FANK1: variants seen among roughly 807,000 people sequenced by gnomAD.
The protein encoded by FANK1 is fibronectin type III and ankyrin repeat domains 1.
Under a neutral mutation model 45.3 loss-of-function variants are expected in FANK1, and 44 were observed. The observed-to-expected ratio is 0.97, with a 90% CI of 0.76 to 1.25. The LOEUF (loss-of-function observed/expected upper bound fraction) is 1.25, where lower values mean the gene tolerates loss of function less well. Among genes scored for constraint, FANK1 ranks in the 50% most tolerant of loss-of-function variants. The pLI is 0.00. For missense variants in FANK1, 391 were observed against 424.4 expected, an observed-to-expected ratio of 0.92 and a Z score of 0.69; for synonymous variants, 149 against 152.5, an observed-to-expected ratio of 0.98 and a Z score of 0.17.
At chr10:125,953,840 A>G (rs183158202) in intron 1 of FANK1, among the ~76,000 whole-genome samples, 2 of 152,128 alleles carry the variant, frequency 1.3e-5, no homozygotes, top group South Asian at 4.2e-4. Flanking sequence ...TGCCTGTAAC[A>G]TGGGCCATGA....
chr10:125,982,537 C>T (rs749810306), intron 2 of FANK1, among the ~76,000 whole-genome samples: 5 of 152,228 alleles, frequency 3.3e-5, no homozygotes, highest in Non-Finnish European at 7.3e-5. Flanking sequence ...TAATCTTGAC[C>T]TCTTTTGCTT....
chr10:125,945,642 A>T (rs1048589145), intron 1 of FANK1, among the ~76,000 whole-genome samples: 2 of 152,136 alleles, frequency 1.3e-5, no homozygotes. Flanking sequence ...GCAGTCTGAG[A>T]TCAAACTGCA....
chr10:125,983,461 G>A lies in FANK1; in HGVS notation c.191+3123G>A, dbSNP rs1951352324. Among the ~76,000 whole-genome samples the A allele has an allele frequency of 6.6e-6, 1 of 152,188 alleles. No individual in the cohort carries two copies. Among genetic ancestry groups the A allele is most frequent in the Admixed American group, 6.5e-5 (1 of 15,278 alleles). ...AAATAAGATACATAAGTAAAAATAG[G>A]TAGTCAGCAGGCAATACATACTGAG... On this transcript the variant is annotated intron_variant, in intron 2 of 10. Transcript: ENST00000368693. This position sits in a 1 kb window ranked among gnomAD's most constrained non-coding sequence, Gnocchi z 4.3.
chr10:125,907,661 C>T (rs796328190), intron 1 of FANK1, among the ~76,000 whole-genome samples: 1 of 151,704 alleles, frequency 6.6e-6, no homozygotes, highest in South Asian at 2.1e-4. Context: ...AGGAGAGAGA[C>T]ATACATTAGG....
chr10:125,982,103 T>G (rs1358264890), intron 2 of FANK1, among the ~76,000 whole-genome samples: 11 of 152,228 alleles, frequency 7.2e-5, no homozygotes. Context: ...AGGTATGCTT[T>G]TTCTATCTAA....
intron 3 of FANK1, among the ~76,000 whole-genome samples, chr10:125,992,262 C>T (rs923303734): frequency 6.9e-4 from 105 of 152,292 alleles, no homozygotes; most frequent in Admixed American, 5.4e-3. Context: ...GCACTGCAAA[C>T]AAGGGCCTTT....
In FANK1 at chr10:126,004,896, G is replaced by A; in HGVS notation, c.552G>A (p.Ala184=). The A allele has an allele frequency of 4.3e-6, 7 of 1,614,150 alleles. No homozygotes were observed. The highest frequency in any genetic ancestry group is 5.9e-6 in the Non-Finnish European group (7 of 1,180,020). ...NGSGKDSLML[A]CYAGHLDVVK... is the part of the protein sequence containing the mutation. ...CCATATGTTGCAGTCTAATGCTGGC[G>A]TGCTATGCGGGACACCTAGATGTTG... is the stretch of plus-strand genomic sequence containing the variant. Residue 184 remains alanine (A), a synonymous_variant, in exon 7 of 11, where the codon GCG becomes GCA. Coordinates refer to ENST00000368693, the MANE Select transcript of FANK1 (RefSeq NM_145235.5).
At position 125,968,092 on chromosome 10, in the gene FANK1, T is replaced by C. The variant is rs1413347126; in HGVS notation, c.14-12069T>C. 2.0e-5 allele frequency among the ~76,000 whole-genome samples: 3 copies of C among 151,772 alleles called. No individual in the cohort carries two copies. The East Asian group carries it at 5.8e-4, about 29-fold the overall frequency. ...ATTTTAATTTCTTCTTTTTTTTTTT[T>C]CTTTCTGAGACAGGGTCTTGCTCTT... On this transcript the variant is annotated intron_variant, in intron 1 of 10. Transcript: ENST00000368693.
At chr10:125,937,096 A>G (rs1311606259) in intron 1 of FANK1, among the ~76,000 whole-genome samples, 1 of 152,108 alleles carries the variant, frequency 6.6e-6, no homozygotes, top group Non-Finnish European at 1.5e-5. Flanking sequence ...TAATACCTCT[A>G]TGAGCATTCT....
chr10:125,981,953 G>A (rs367861653), intron 2 of FANK1, among the ~76,000 whole-genome samples: 3 of 152,272 alleles, frequency 2.0e-5, no homozygotes, highest in East Asian at 3.9e-4. Context: ...AATTTCAACT[G>A]TTACTTGAGT....
intron 1 of FANK1, among the ~76,000 whole-genome samples, chr10:125,945,963 C>G (rs1948767770): frequency 6.6e-6 from 1 of 152,216 alleles, no homozygotes; most frequent in Non-Finnish European, 1.5e-5. Flanking sequence ...GACCCCCGAG[C>G]AGCCTAACTG....
At chr10:125,929,426 A>C (rs1316380656) in intron 1 of FANK1, among the ~76,000 whole-genome samples, 1 of 152,182 alleles carries the variant, frequency 6.6e-6, no homozygotes, top group Admixed American at 6.5e-5. Flanking sequence ...AGACAACAGC[A>C]TTCCTCCTGG....
chr10:125,984,466 A>G (rs564391870), intron 2 of FANK1, among the ~76,000 whole-genome samples: 1 of 152,290 alleles, frequency 6.6e-6, no homozygotes, highest in African/African-American at 2.4e-5. Context: ...CCAGTCTTCC[A>G]CAGGAGGCAC....
intron 1 of FANK1, among the ~76,000 whole-genome samples, chr10:125,902,014 G>A (rs188690112): frequency 1.9e-4 from 29 of 152,268 alleles, no homozygotes; most frequent in Admixed American, 8.5e-4. Context: ...AGCTACTCAC[G>A]TGGCTGAGGC....
intron 1 of FANK1, among the ~76,000 whole-genome samples, chr10:125,975,666 G>A (rs1226207925): frequency 1.3e-5 from 2 of 152,136 alleles, no homozygotes; most frequent in East Asian, 3.8e-4. Context: ...TCTTGTAAAT[G>A]TGTTTAAGTT....
In FANK1 at chr10:125,983,170, T is replaced by C. The variant is rs908975763; in HGVS notation, c.191+2832T>C. On this transcript the variant is annotated intron_variant, in intron 2 of 10. Transcript: ENST00000368693. The surrounding 1 kb of genome is among the most constrained non-coding windows in gnomAD (Gnocchi z 4.3). ...TGACGTTTTCTGCATGTGTGTTCAG[T>C]TGTTTTCCCTGTTTGGACAGATTTT... Among the ~76,000 whole-genome samples, 2 of 152,196 alleles carry C rather than the reference T, an allele frequency of 1.3e-5. No homozygotes were observed. The highest frequency in any genetic ancestry group is 2.9e-5 in the Non-Finnish European group (2 of 68,048).
At chr10:125,942,897 TCTGCCTCCCGGGTTC>T (rs1948545732) in intron 1 of FANK1, among the ~76,000 whole-genome samples, 2 of 148,902 alleles carry the variant, frequency 1.3e-5, no homozygotes, top group Admixed American at 1.4e-4. Flanking sequence ...CACTGCAACA[TCTGCCTCCCGGGTTC>T]CAGCAATTCT....
intron 1 of FANK1, among the ~76,000 whole-genome samples, chr10:125,942,778 G>C (rs1008301336): frequency 6.8e-6 from 1 of 146,060 alleles, no homozygotes; most frequent in Non-Finnish European, 1.5e-5. Context: ...TTTAATTACT[G>C]CTTTTCATTA....
chr10:125,970,383 C>T (rs1036098925), intron 1 of FANK1, among the ~76,000 whole-genome samples: 24 of 151,118 alleles, frequency 1.6e-4, no homozygotes, highest in African/African-American at 4.4e-4. Flanking sequence ...ACATCCCAGA[C>T]GATGGGCGGC....
Sources: allele counts gnomAD v4.1 joint callset (sites outside exome capture counted in the v4.1 genomes callset), GRCh38; gene constraint gnomAD v4.1.1; non-coding constraint Gnocchi (gnomAD v3.1); transcripts MANE v1.5; gene names NCBI Gene and HGNC (gene_info 2026-07-23, HGNC 2026-07-21).